IQGAP1: variants seen among roughly 807,000 people sequenced by gnomAD.
The protein encoded by IQGAP1 is ras GTPase-activating-like protein IQGAP1.
In IQGAP1, 66 loss-of-function variants were observed where a neutral mutation model predicts 215.6. The observed-to-expected ratio is 0.31, with a 90% CI of 0.25 to 0.38. The LOEUF (loss-of-function observed/expected upper bound fraction) is 0.38, where lower values mean the gene tolerates loss of function less well. Among genes scored for constraint, IQGAP1 ranks in the 10% least tolerant of loss-of-function variants. IQGAP1 has a pLI of 1.00. For missense variants in IQGAP1, 1,712 were observed against 1,997.1 expected, an observed-to-expected ratio of 0.86 and a Z score of 2.72; for synonymous variants, 772 against 728.7, an observed-to-expected ratio of 1.06 and a Z score of -0.96.
chr15:90,448,793 T>A (rs1241090011), intron 10 of IQGAP1, 57 bp downstream of exon 10: 62 of 1,322,412 alleles, frequency 4.7e-5, no homozygotes, highest in Non-Finnish European at 5.8e-5. Context: ...TCGAATCCCA[T>A]GCTGTCATTT....
At chr15:90,451,154 T>G (rs547444330) in intron 11 of IQGAP1, among the ~76,000 whole-genome samples, 1 of 152,278 alleles carries the variant, frequency 6.6e-6, no homozygotes, top group Non-Finnish European at 1.5e-5. Context: ...TTATGAGAGA[T>G]AGGGATCTAG....
Position 90,477,668 on chromosome 15 carries a change from G to A in IQGAP1, c.3108G>A (p.Ser1036=), listed in dbSNP as rs757136490. 2.0e-4 allele frequency: 315 copies of A among 1,608,460 alleles called. No homozygotes were observed. The highest frequency in any genetic ancestry group is 1.1e-3 in the South Asian group (98 of 90,960). The change falls in exon 26 of 38, where the codon TCG becomes TCA. Residue 1036 remains serine, a synonymous_variant. Coordinates refer to ENST00000268182, the MANE Select transcript of IQGAP1 (RefSeq NM_003870.4). Reference sequence around the variant, plus strand: ...ATTTTTATCTGATGTTTTATAGGTCGAAGGTAGATCAGATTCAAGAGATTG... The same window carrying A: ...ATTTTTATCTGATGTTTTATAGGTCAAAGGTAGATCAGATTCAAGAGATTG... The part of the protein sequence containing the change: ...FKTALQEEIK[S]KVDQIQEIVT...
At chr15:90,454,355 C>A (rs1965648954) in intron 13 of IQGAP1, 73 bp from the exon 14 acceptor site, 3 of 1,576,038 alleles carry the variant, frequency 1.9e-6, no homozygotes, top group Admixed American at 1.7e-5. Context: ...TTGGGATACC[C>A]TAGCAATCTT....
intron 2 of IQGAP1, among the ~76,000 whole-genome samples, chr15:90,413,877 G>A (rs965483136): frequency 2.6e-5 from 4 of 152,010 alleles, no homozygotes; most frequent in African/African-American, 9.7e-5. Context: ...TGTCATTCTT[G>A]GTTTTTCTTA....
rs1176141766 is a variant in IQGAP1, at chr15:90,456,282, C to T, written c.1743C>T (p.Asp581=). 1.2e-6 allele frequency: 2 copies of T among 1,614,052 alleles called. No homozygotes were observed. The highest frequency in any genetic ancestry group is 1.1e-5 in the South Asian group (1 of 91,082). ...VLAEVAQHYQ[D]TLIRAKREKA... is the part of the protein sequence containing the mutation. ...CAGAAGTGGCCCAGCATTACCAAGACACGCTGATTAGAGCGAAGAGAGAGA... is the reference window on the plus strand; with the variant it reads ...CAGAAGTGGCCCAGCATTACCAAGATACGCTGATTAGAGCGAAGAGAGAGA... The change falls in exon 15 of 38, where the codon GAC becomes GAT. Residue 581 remains aspartate, a synonymous_variant. Transcript: ENST00000268182.
At chr15:90,466,122 G>T (rs778700728) in intron 16 of IQGAP1, 31 bp downstream of exon 16, 2 of 1,606,816 alleles carry the variant, frequency 1.2e-6, no homozygotes, top group East Asian at 2.2e-5. Flanking sequence ...TTCTGTTTTG[G>T]TGGAGGCTGG....
At position 90,466,080 on chromosome 15, in the gene IQGAP1, A is replaced by C; in HGVS notation, c.1856A>C (p.Glu619Ala). Reference sequence around the variant, plus strand: ...TGGCAGTCCAACAAAGACACCCAAGAAGCACAGAAGTGTATGTATCACCTG... The same window carrying C: ...TGGCAGTCCAACAAAGACACCCAAGCAGCACAGAAGTGTATGTATCACCTG... ...GIWQSNKDTQ[E>A]AQKFALGIFA... Residue 619 changes from glutamate to alanine, a missense_variant, in exon 16 of 38, where the codon GAA (glutamate) becomes GCA (alanine). Glu to Ala is a moderately radical substitution (Grantham distance 107). Transcript: ENST00000268182. The C allele has an allele frequency of 6.2e-7, 1 of 1,613,980 alleles. No individual in the cohort carries two copies. The highest frequency in any genetic ancestry group is 8.5e-7 in the Non-Finnish European group (1 of 1,179,854).
intron 23 of IQGAP1, among the ~76,000 whole-genome samples, chr15:90,475,011 T>G (rs1257882972): frequency 6.7e-6 from 1 of 148,438 alleles, no homozygotes; most frequent in Non-Finnish European, 1.5e-5. Flanking sequence ...TTTTTTTTTT[T>G]TTTTGCTGAC....
At chr15:90,449,067 G>T (rs1176742174) in intron 10 of IQGAP1, among the ~76,000 whole-genome samples, 2 of 151,800 alleles carry the variant, frequency 1.3e-5, no homozygotes, top group African/African-American at 4.8e-5. Flanking sequence ...TCAGGAATTT[G>T]CACTTTAAAA....
chr15:90,434,539 A>G (rs1437720050), intron 5 of IQGAP1, among the ~76,000 whole-genome samples: 2 of 152,158 alleles, frequency 1.3e-5, no homozygotes, highest in African/African-American at 4.8e-5. Flanking sequence ...CCATAATGTC[A>G]TGGTAAATTT....
intron 2 of IQGAP1, among the ~76,000 whole-genome samples, chr15:90,402,856 T>C (rs919332982): frequency 1.3e-5 from 2 of 152,212 alleles, no homozygotes; most frequent in African/African-American, 4.8e-5. Flanking sequence ...CTCACAGATA[T>C]GCATGCAGTA....
intron 2 of IQGAP1, among the ~76,000 whole-genome samples, chr15:90,394,693 G>A (rs1964688146): frequency 6.6e-6 from 1 of 152,124 alleles, no homozygotes; most frequent in African/African-American, 2.4e-5. Flanking sequence ...TCCCAAGTTG[G>A]AGGAGCCCCA....
chr15:90,411,939 C>T (rs1206834882), intron 2 of IQGAP1, among the ~76,000 whole-genome samples: 2 of 152,028 alleles, frequency 1.3e-5, no homozygotes, highest in Non-Finnish European at 2.9e-5. Flanking sequence ...ACACATCCCA[C>T]AAAATCCACC....
At chr15:90,491,611 G>C (rs1020330586) in intron 34 of IQGAP1, 66 bp downstream of exon 34, 10 of 1,291,800 alleles carry the variant, frequency 7.7e-6, no homozygotes, top group Non-Finnish European at 1.1e-5. Flanking sequence ...AGAGACAGTA[G>C]CTGTTCACAT....
chr15:90,440,593 A>G lies in IQGAP1; in HGVS notation c.627A>G (p.Glu209=). The part of the protein sequence containing the change: ...FSKIGGILAN[E]LSVDEAALHA... ...AGATTGGGGGCATCTTGGCTAATGA[A>G]CTGTCAGTGGATGAAGCCGCATGTA... The change falls in exon 7 of 38, where the codon GAA becomes GAG. Residue 209 remains glutamate, a synonymous_variant. Transcript: ENST00000268182. 6.4e-7 allele frequency: 1 copy of G among 1,564,566 alleles called. No homozygotes were observed. The highest frequency in any genetic ancestry group is 8.7e-7 in the Non-Finnish European group (1 of 1,152,766).
At chr15:90,436,786 G>A (rs766925996) in intron 5 of IQGAP1, among the ~76,000 whole-genome samples, 3 of 152,180 alleles carry the variant, frequency 2.0e-5, no homozygotes, top group African/African-American at 4.8e-5. Flanking sequence ...TTAACTGGCC[G>A]TTTTGAATCC....
chr15:90,492,123 G>T lies in IQGAP1; in HGVS notation c.4462-422G>T, dbSNP rs1396332330. On this transcript the variant is annotated intron_variant, in intron 34 of 37. Transcript: ENST00000268182. ...ATACAAATGGGGGAAGAAAATTTGA[G>T]ATCTGAATTTCTCTGTTAATTTGTG... Among the ~76,000 whole-genome samples the T allele has an allele frequency of 3.9e-5, 6 of 152,280 alleles. 1 individual carries two copies. The South Asian group carries it at 1.2e-3, about 32-fold the overall frequency.
chr15:90,405,371 G>T (rs1260738954), intron 2 of IQGAP1, among the ~76,000 whole-genome samples: 2 of 152,184 alleles, frequency 1.3e-5, no homozygotes, highest in South Asian at 2.1e-4. Flanking sequence ...TTAATATCGT[G>T]TAGTAAAGTT....
chr15:90,445,361 G>T (rs1965513021), intron 9 of IQGAP1, among the ~76,000 whole-genome samples: 2 of 151,714 alleles, frequency 1.3e-5, no homozygotes, highest in Non-Finnish European at 2.9e-5. Flanking sequence ...ATGCCTTCAT[G>T]CCTCATCTCT....
Sources: allele counts gnomAD v4.1 joint callset (sites outside exome capture counted in the v4.1 genomes callset), GRCh38; gene constraint gnomAD v4.1.1; transcripts MANE v1.5; gene names NCBI Gene and HGNC (gene_info 2026-07-23, HGNC 2026-07-21).